NUMB: variants seen among roughly 807,000 people sequenced by gnomAD.
NUMB encodes protein numb homolog.
A neutral mutation model predicts 59.7 loss-of-function variants in NUMB; 29 were observed. The observed-to-expected ratio is 0.49, with a 90% CI of 0.36 to 0.66. NUMB has a LOEUF of 0.66. Ranked by LOEUF, NUMB falls within the 30% of genes least tolerant of loss-of-function variation. NUMB has a pLI of 0.00. For synonymous variants in NUMB, 288 were observed against 288.2 expected, an observed-to-expected ratio of 1.00 and a Z score of 0.01; for missense variants, 723 against 822.0, an observed-to-expected ratio of 0.88 and a Z score of 1.47.
chr14:73,296,741 T>TTAC (rs1272684152), intron 7 of NUMB, among the ~76,000 whole-genome samples: 2 of 152,064 alleles, frequency 1.3e-5, no homozygotes, highest in Admixed American at 1.3e-4. Context: ...GAATCTTACC[T>TTAC]TAGGCCAGGC....
At chr14:73,410,797 A>G (rs1441579120) in intron 1 of NUMB, among the ~76,000 whole-genome samples, 2 of 152,162 alleles carry the variant, frequency 1.3e-5, no homozygotes, top group Middle Eastern at 3.2e-3. Context: ...AATTCCTTAT[A>G]CTTCTAACAG....
At chr14:73,330,630 C>CTAAGTA (rs1460719206) in intron 4 of NUMB, among the ~76,000 whole-genome samples, 2 of 152,138 alleles carry the variant, frequency 1.3e-5, no homozygotes, top group Non-Finnish European at 2.9e-5. Flanking sequence ...TGACTTAATA[C>CTAAGTA]CTACAAAGTA....
intron 3 of NUMB, among the ~76,000 whole-genome samples, chr14:73,361,053 T>A (rs1285953319): frequency 6.6e-6 from 1 of 152,020 alleles, no homozygotes; most frequent in Non-Finnish European, 1.5e-5. Flanking sequence ...CACACCCAGC[T>A]AATTGTTGTG....
chr14:73,384,995 G>A (rs990204386), intron 2 of NUMB, among the ~76,000 whole-genome samples: 4 of 148,390 alleles, frequency 2.7e-5, no homozygotes, highest in African/African-American at 9.9e-5. Flanking sequence ...CCAGGTTCAA[G>A]CGATTCTCCT....
chr14:73,299,948 T>C (rs758305536), intron 6 of NUMB, among the ~76,000 whole-genome samples: 3 of 152,156 alleles, frequency 2.0e-5, no homozygotes, highest in Non-Finnish European at 2.9e-5. Context: ...TGAGCTTCCA[T>C]CTCTTCATCC....
chr14:73,322,341 C>T (rs998050834), intron 5 of NUMB, among the ~76,000 whole-genome samples: 1 of 152,230 alleles, frequency 6.6e-6, no homozygotes, highest in Non-Finnish European at 1.5e-5. Flanking sequence ...ACTGAATACA[C>T]AGGCATGTGC....
At chr14:73,316,281 T>A (rs1439495560) in intron 6 of NUMB, 109 bp downstream of exon 6, 1 of 879,476 alleles carries the variant, frequency 1.1e-6, no homozygotes, top group African/African-American at 1.7e-5. Flanking sequence ...TCAAACCAAT[T>A]CCTGCATTAT....
intron 3 of NUMB, among the ~76,000 whole-genome samples, chr14:73,356,463 C>T (rs1016578664): frequency 1.3e-5 from 2 of 151,990 alleles, no homozygotes. Context: ...GCCAACATGG[C>T]AAAACCCCGC....
intron 2 of NUMB, among the ~76,000 whole-genome samples, chr14:73,372,305 TTA>T (rs3028704): frequency 0.13 from 11,141 of 85,806 alleles, 712 homozygotes; most frequent in Middle Eastern, 0.25. Flanking sequence ...TATATTTCTT[TTA>T]TATATATATA....
intron 8 of NUMB, 42 bp from the exon 9 acceptor site, chr14:73,287,356 TAAC>T (rs1419408912): frequency 1.4e-6 from 2 of 1,452,246 alleles, no homozygotes; most frequent in South Asian, 2.4e-5. Context: ...ATTACACTAC[TAAC>T]AATTACATAC....
At chr14:73,349,518 GA>G (rs1893091360) in intron 4 of NUMB, among the ~76,000 whole-genome samples, 1 of 149,272 alleles carries the variant, frequency 6.7e-6, no homozygotes, top group Admixed American at 6.8e-5. Flanking sequence ...AGGCTGCAGT[GA>G]GCCGAGATCG....
intron 7 of NUMB, among the ~76,000 whole-genome samples, chr14:73,294,801 G>A (rs994428417): frequency 1.4e-3 from 25 of 18,484 alleles, no homozygotes; most frequent in African/African-American, 5.5e-3. Flanking sequence ...TTACAGGTGT[G>A]AGCCACCACG....
intron 6 of NUMB, among the ~76,000 whole-genome samples, chr14:73,309,100 T>G (rs1199922725): frequency 6.6e-6 from 1 of 152,038 alleles, no homozygotes; most frequent in Non-Finnish European, 1.5e-5. Context: ...CCAGAATAAG[T>G]AAGAGTTGGA....
intron 6 of NUMB, among the ~76,000 whole-genome samples, chr14:73,314,293 T>C (rs1890955558): frequency 6.6e-6 from 1 of 152,148 alleles, no homozygotes; most frequent in African/African-American, 2.4e-5. Flanking sequence ...TTACCACTTA[T>C]TATAAATATC....
intron 6 of NUMB, among the ~76,000 whole-genome samples, chr14:73,304,325 A>G (rs1444952354): frequency 6.6e-6 from 1 of 151,404 alleles, no homozygotes; most frequent in Non-Finnish European, 1.5e-5. Flanking sequence ...TTCTTTTTTC[A>G]TTAGAGACAG....
chr14:73,359,321 G>T (rs1246443388), intron 3 of NUMB, among the ~76,000 whole-genome samples: 2 of 152,126 alleles, frequency 1.3e-5, no homozygotes, highest in African/African-American at 4.8e-5. Flanking sequence ...ACTCCAGCCT[G>T]GGCAGCAGAG....
At position 73,399,380 on chromosome 14, in the gene NUMB, A is replaced by ATG. The variant is rs202183531; in HGVS notation, c.-101+10555_-101+10556dup. Among the ~76,000 whole-genome samples, 1,037 of 152,224 alleles carry ATG rather than the reference A, an allele frequency of 6.8e-3. 5 individuals carry two copies. The highest frequency in any genetic ancestry group is 0.029 in the South Asian group (142 of 4,820). ...GGAGTTAGAAACCAGCCTGACGAAA[A>ATG]TGGAGAAACCCTGTCTCTACTAAAA... On this transcript the variant is annotated intron_variant, in intron 2 of 12. Coordinates refer to ENST00000555238, the MANE Select transcript of NUMB (RefSeq NM_001005743.2).
chr14:73,287,335 A>C (rs1478743849), intron 8 of NUMB, 21 bp from the exon 9 acceptor site: 1 of 1,581,700 alleles, frequency 6.3e-7, no homozygotes. Context: ...AGATTTTAAA[A>C]GCTTTTCAGA....
intron 2 of NUMB, among the ~76,000 whole-genome samples, chr14:73,385,154 T>C (rs111523956): frequency 0.01 from 1,588 of 151,956 alleles, 28 homozygotes; most frequent in African/African-American, 0.037. Context: ...TTTGAGGAAC[T>C]GAAGTTTTAT....
Sources: gnomAD v4.1 joint callset for allele counts (sites outside exome capture counted in the v4.1 genomes callset) on GRCh38, gnomAD v4.1.1 for gene constraint, MANE v1.5 for transcripts, NCBI Gene and HGNC (gene_info 2026-07-23, HGNC 2026-07-21) for gene names.